The following ITGA2 variants were observed in gnomAD, a reference collection of about 807,000 sequenced individuals.
ITGA2 encodes the protein integrin alpha-2.
Under a neutral mutation model 146.3 loss-of-function variants are expected in ITGA2, and 101 were observed. The observed-to-expected ratio is 0.69, with a 90% CI of 0.59 to 0.81. The LOEUF (loss-of-function observed/expected upper bound fraction) is 0.81, where lower values mean the gene tolerates loss of function less well. Ranked by LOEUF, ITGA2 falls within the 40% of genes least tolerant of loss-of-function variation. The probability of loss-of-function intolerance (pLI) is 0.00; values close to 1 mark genes in which losing one functional copy is unlikely to be tolerated. For missense variants in ITGA2, 1,281 were observed against 1,402.7 expected (o/e 0.91, Z 1.39); for synonymous variants, 477 against 487.1 (o/e 0.98, Z 0.27).
chr5:52,996,038 G>C (rs920529274), intron 1 of ITGA2, among the ~76,000 whole-genome samples: 28 of 152,160 alleles, frequency 1.8e-4, no homozygotes, highest in African/African-American at 6.3e-4. Flanking sequence ...TCTACATGGA[G>C]TGAAAAAAGA....
At chr5:53,050,555 T>C (rs1744308627) in intron 6 of ITGA2, among the ~76,000 whole-genome samples, 1 of 152,110 alleles carries the variant, frequency 6.6e-6, no homozygotes, top group Admixed American at 6.6e-5. Flanking sequence ...AGAAATCCAG[T>C]CCTCACCGCT....
intron 1 of ITGA2, among the ~76,000 whole-genome samples, chr5:53,000,897 GTTTTTTT>G (rs369482288): frequency 1.0e-5 from 1 of 97,226 alleles, no homozygotes; most frequent in Non-Finnish European, 2.0e-5. Context: ...TTTTCTTTTT[GTTTTTTT>G]TTTTTTTTTT....
In ITGA2 at chr5:53,048,713, A is replaced by G. The variant is rs190131248; in HGVS notation, c.573A>G (p.Val191=). 4.8e-5 allele frequency: 78 copies of G among 1,614,084 alleles called. No homozygotes were observed. In the Middle Eastern group the frequency reaches 9.9e-4, roughly 20 times the overall value. The change falls in exon 6 of 30, where the codon GTA becomes GTG. Residue 191 remains valine, a synonymous_variant. Coordinates refer to ENST00000296585, the MANE Select transcript of ITGA2 (RefSeq NM_002203.4). ...ESNSIYPWDA[V]KNFLEKFVQG... is the part of the protein sequence containing the mutation. Reference sequence around the variant, plus strand: ...ATAGTATTTATCCTTGGGATGCAGTAAAGAATTTTTTGGAAAAATTTGTAC... The same window carrying G: ...ATAGTATTTATCCTTGGGATGCAGTGAAGAATTTTTTGGAAAAATTTGTAC...
At position 53,074,432 on chromosome 5, in the gene ITGA2, T is replaced by C. The variant is rs1745559776; in HGVS notation, c.2619T>C (p.Ser873=). The change falls in exon 21 of 30, where the codon TCT becomes TCC. Residue 873 remains serine (S), a synonymous_variant. Transcript: ENST00000296585. ...VTCQVAASQK[S]VACDVGYPAL... is the part of the protein sequence containing the mutation. ...GCCAGGTGGCTGCATCTCAGAAGTC[T>C]GTTGCCTGCGATGTAGGCTACCCTG... 4 of 1,612,440 alleles carry C rather than the reference T, an allele frequency of 2.5e-6. No homozygotes were observed. Among genetic ancestry groups the C allele is most frequent in the African/African-American group, 1.3e-5 (1 of 74,910 alleles).
intron 17 of ITGA2, among the ~76,000 whole-genome samples, chr5:53,071,728 C>A (rs1745406488): frequency 6.6e-6 from 1 of 151,912 alleles, no homozygotes. Flanking sequence ...CTTTTGGTTT[C>A]TTAGTAGAAG....
chr5:53,018,775 T>G (rs1413492679), intron 1 of ITGA2, among the ~76,000 whole-genome samples: 6 of 152,200 alleles, frequency 3.9e-5, no homozygotes, highest in Non-Finnish European at 8.8e-5. Context: ...AACATTTTGT[T>G]TTTTAGGCTG....
Position 53,081,587 on chromosome 5 carries a change from T to A in ITGA2, c.3040-5T>A. 1 of 1,605,068 alleles carries A rather than the reference T, an allele frequency of 6.2e-7. No individual in the cohort carries two copies. The highest frequency in any genetic ancestry group is 8.5e-7 in the Non-Finnish European group (1 of 1,173,288). On this transcript the variant is annotated splice_region_variant and splice_polypyrimidine_tract_variant and intron_variant, in intron 25 of 29. Transcript: ENST00000296585. ...GAAGTCTGATCGGGTGTTCTTCTTTTATAGGCTGGTGACATCAGTTGTAAT... is the reference window on the plus strand; with the variant it reads ...GAAGTCTGATCGGGTGTTCTTCTTTAATAGGCTGGTGACATCAGTTGTAAT...
At position 53,026,839 on chromosome 5, in the gene ITGA2, G is replaced by A; in HGVS notation, c.156G>A (p.Val52=). The change falls in exon 2 of 30, where the codon GTG becomes GTA. Residue 52 remains valine (V), a synonymous_variant. Transcript: ENST00000296585. ...GPSSEQFGYA[V]QQFINPKGNW... is the part of the protein sequence containing the mutation. ...CAAGTGAACAGTTTGGCTATGCAGT[G>A]CAGCAGTTTATAAATCCAAAAGGCA... The A allele has an allele frequency of 6.2e-7, 1 of 1,613,466 alleles. No individual in the cohort carries two copies. Among genetic ancestry groups the A allele is most frequent in the Non-Finnish European group, 8.5e-7 (1 of 1,179,484 alleles).
At chr5:53,084,376 T>C (rs1263761922) in intron 27 of ITGA2, among the ~76,000 whole-genome samples, 1 of 152,182 alleles carries the variant, frequency 6.6e-6, no homozygotes, top group Non-Finnish European at 1.5e-5. Flanking sequence ...GTTTATCATT[T>C]CATGATCTCT....
At chr5:53,056,758 G>A (rs1744653116) in intron 9 of ITGA2, among the ~76,000 whole-genome samples, 1 of 151,854 alleles carries the variant, frequency 6.6e-6, no homozygotes, top group African/African-American at 2.4e-5. Flanking sequence ...TCTAGTTAGT[G>A]CAGAAAGATC....
intron 1 of ITGA2, among the ~76,000 whole-genome samples, chr5:53,019,660 G>A (rs1742569626): frequency 6.6e-6 from 1 of 152,170 alleles, no homozygotes; most frequent in African/African-American, 2.4e-5. Flanking sequence ...CATGTAGCTG[G>A]GAGTACAGGC....
chr5:53,055,427 C>A, intron 7 of ITGA2, 111 bp from the exon 8 acceptor site: 1 of 907,992 alleles, frequency 1.1e-6, no homozygotes, highest in Non-Finnish European at 1.8e-6. Context: ...TATGGAGTTA[C>A]AATAGATTGT....
At chr5:53,067,097 G>A (rs760719628) in intron 15 of ITGA2, 21 bp from the exon 16 acceptor site, 31 of 1,607,190 alleles carry the variant, frequency 1.9e-5, no homozygotes, top group Non-Finnish European at 2.5e-5. Context: ...CCATCCATCT[G>A]TTACTCTTTA....
intron 15 of ITGA2, 66 bp from the exon 16 acceptor site, chr5:53,067,052 A>G: frequency 1.3e-6 from 2 of 1,536,126 alleles, no homozygotes; most frequent in South Asian, 2.3e-5. Flanking sequence ...GTCCTCTATG[A>G]TAAAGGATAT....
At chr5:53,071,594 G>A (rs564668913) in intron 17 of ITGA2, among the ~76,000 whole-genome samples, 8 of 151,884 alleles carry the variant, frequency 5.3e-5, no homozygotes, top group African/African-American at 9.6e-5. Context: ...CCAAGATACC[G>A]CTTCTGAGGA....
chr5:53,041,228 T>G (rs1459701281), intron 2 of ITGA2, among the ~76,000 whole-genome samples: 1 of 152,110 alleles, frequency 6.6e-6, no homozygotes, highest in Admixed American at 6.6e-5. Flanking sequence ...TTCTGTGCAA[T>G]CTTCTGTGGT....
intron 20 of ITGA2, among the ~76,000 whole-genome samples, chr5:53,073,922 G>GA (rs1245328677): frequency 2.2e-4 from 16 of 71,314 alleles, no homozygotes; most frequent in East Asian, 3.8e-4. Flanking sequence ...CCTTTAAAGG[G>GA]AAAAAAAAAC....
chr5:53,001,889 T>C (rs954206090), intron 1 of ITGA2, among the ~76,000 whole-genome samples: 1 of 149,386 alleles, frequency 6.7e-6, no homozygotes, highest in African/African-American at 2.4e-5. Context: ...CTTCACCCCA[T>C]CTTCTTAGCA....
rs1370837153 is a variant in ITGA2, at chr5:52,989,452, C to G, written c.-17C>G. ...CTGCAAACCCAGCGCAACTACGGTC[C>G]CCCGGTCAGACCCAGGATGGGGCCA... On this transcript the variant is annotated 5_prime_UTR_variant, in exon 1 of 30. Transcript: ENST00000296585. 23 of 1,613,964 alleles carry G rather than the reference C, an allele frequency of 1.4e-5. No individual in the cohort carries two copies. Among genetic ancestry groups the G allele is most frequent in the Admixed American group, 3.3e-5 (2 of 60,014 alleles).
Sources: gnomAD v4.1 joint callset for allele counts (sites outside exome capture counted in the v4.1 genomes callset) on GRCh38, gnomAD v4.1.1 for gene constraint, MANE v1.5 for transcripts, NCBI Gene and HGNC (gene_info 2026-07-23, HGNC 2026-07-21) for gene names.